The following SLC4A10 variants were observed in gnomAD, a reference collection of about 807,000 sequenced individuals.
SLC4A10 encodes solute carrier family 4 member 10, also known as sodium-driven chloride bicarbonate exchanger.
A neutral mutation model predicts 137.7 loss-of-function variants in SLC4A10; 42 were observed. That is an observed-to-expected ratio of 0.30 (90% CI 0.24 to 0.39). The LOEUF (loss-of-function observed/expected upper bound fraction) is 0.39, where lower values mean the gene tolerates loss of function less well. Among genes scored for constraint, SLC4A10 ranks in the 10% least tolerant of loss-of-function variants. SLC4A10 has a pLI of 1.00. For synonymous variants in SLC4A10, 474 were observed against 464.1 expected, an observed-to-expected ratio of 1.02 and a Z score of -0.27; for missense variants, 925 against 1,355.0, an observed-to-expected ratio of 0.68 and a Z score of 4.98.
At chr2:161,805,098 C>A (rs2055797786) in intron 3 of SLC4A10, among the ~76,000 whole-genome samples, 1 of 152,052 alleles carries the variant, frequency 6.6e-6, no homozygotes, top group Admixed American at 6.6e-5. Context: ...TGGTGGAAGG[C>A]AAGGAGAAGC....
intron 1 of SLC4A10, among the ~76,000 whole-genome samples, chr2:161,717,124 C>G (rs531173394): frequency 6.6e-6 from 1 of 152,012 alleles, no homozygotes; most frequent in African/African-American, 2.4e-5. Context: ...ATAGGAATAC[C>G]TGTGATTTTT....
Position 161,854,957 on chromosome 2 carries a change from T to G in SLC4A10, c.417-13T>G. On this transcript the variant is annotated splice_polypyrimidine_tract_variant and intron_variant, in intron 4 of 26. Transcript: ENST00000446997. ...TATAATATAAACTGTGCTGATAATA[T>G]TTGTTTGTATAGGTGGTTGAAGTTT... 1 of 1,607,654 alleles carries G rather than the reference T, an allele frequency of 6.2e-7. No individual in the cohort carries two copies. Among genetic ancestry groups the G allele is most frequent in the Non-Finnish European group, 8.5e-7 (1 of 1,177,122 alleles).
At chr2:161,780,933 T>C (rs2052938585) in intron 2 of SLC4A10, among the ~76,000 whole-genome samples, 1 of 151,976 alleles carries the variant, frequency 6.6e-6, no homozygotes, top group African/African-American at 2.4e-5. Context: ...TAAATTCTAA[T>C]TTTCTGTCAA....
chr2:161,804,712 C>T, intron 3 of SLC4A10, 117 bp downstream of exon 3: 1 of 966,404 alleles, frequency 1.0e-6, no homozygotes. Context: ...TTATAAAAGA[C>T]TTTGGGCCGG....
At chr2:161,729,189 G>A (rs2125168342) in intron 1 of SLC4A10, among the ~76,000 whole-genome samples, 1 of 152,166 alleles carries the variant, frequency 6.6e-6, no homozygotes, top group East Asian at 1.9e-4. Context: ...CTAAAACCTA[G>A]CAAATGCAAA....
chr2:161,906,058 C>G (rs1684274895), intron 15 of SLC4A10, among the ~76,000 whole-genome samples, 171 bp downstream of exon 15: 1 of 152,192 alleles, frequency 6.6e-6, no homozygotes, highest in Admixed American at 6.5e-5. Context: ...TAATCGGCCA[C>G]TCATCTGCTA....
intron 1 of SLC4A10, among the ~76,000 whole-genome samples, chr2:161,671,950 C>A (rs1053376090): frequency 2.2e-4 from 33 of 152,186 alleles, no homozygotes; most frequent in African/African-American, 7.7e-4. Context: ...GAGGAAAGAA[C>A]TGTTTTATTT....
intron 2 of SLC4A10, among the ~76,000 whole-genome samples, chr2:161,774,992 T>C (rs1319244950): frequency 2.0e-5 from 3 of 151,908 alleles, no homozygotes; most frequent in South Asian, 4.1e-4. Context: ...AGTTAAGAAC[T>C]ATTGTAGTGG....
intron 1 of SLC4A10, among the ~76,000 whole-genome samples, chr2:161,671,475 T>C (rs761714238): frequency 6.6e-6 from 1 of 152,178 alleles, no homozygotes; most frequent in Non-Finnish European, 1.5e-5. Context: ...TTCTTTTATC[T>C]TTCTTGTGTT....
At chr2:161,722,232 C>T (rs886923006) in intron 1 of SLC4A10, among the ~76,000 whole-genome samples, 2 of 152,254 alleles carry the variant, frequency 1.3e-5, no homozygotes, top group East Asian at 1.9e-4. Flanking sequence ...GCTGGAGAGA[C>T]GTTGTGATCA....
chr2:161,708,144 T>C (rs562086041), intron 1 of SLC4A10, among the ~76,000 whole-genome samples: 1 of 151,690 alleles, frequency 6.6e-6, no homozygotes, highest in South Asian at 2.1e-4. Context: ...CTATTTACTA[T>C]TTATACAACT....
chr2:161,954,284 A>AT (rs1024684923), intron 19 of SLC4A10, among the ~76,000 whole-genome samples: 6 of 151,998 alleles, frequency 3.9e-5, no homozygotes, highest in African/African-American at 1.2e-4. Flanking sequence ...TTTGAAATGA[A>AT]TTTTTTCAGC....
intron 10 of SLC4A10, among the ~76,000 whole-genome samples, chr2:161,887,128 CTTT>C (rs1195772690): frequency 6.6e-6 from 1 of 152,072 alleles, no homozygotes; most frequent in Non-Finnish European, 1.5e-5. Flanking sequence ...AACGTGTCCT[CTTT>C]TATGGCTGCA....
chr2:161,679,821 G>C (rs913932336), intron 1 of SLC4A10, among the ~76,000 whole-genome samples: 1 of 151,300 alleles, frequency 6.6e-6, no homozygotes, highest in South Asian at 2.1e-4. Context: ...GCTAGGTCTT[G>C]TTACTTGTAG....
chr2:161,761,345 AATGAAGGCCTGCAAG>A (rs1305229881), intron 1 of SLC4A10, among the ~76,000 whole-genome samples: 1 of 152,060 alleles, frequency 6.6e-6, no homozygotes, highest in Non-Finnish European at 1.5e-5. Context: ...AGGACAAATA[AATGAAGGCCTGCAAG>A]ACAGATGGAG....
intron 1 of SLC4A10, among the ~76,000 whole-genome samples, chr2:161,697,650 GTTCCATTGATCTA>G (rs2042675336): frequency 6.6e-6 from 1 of 152,136 alleles, no homozygotes; most frequent in Admixed American, 6.5e-5. Context: ...GCTCTATTCT[GTTCCATTGATCTA>G]TATCTCTGTT....
intron 2 of SLC4A10, among the ~76,000 whole-genome samples, chr2:161,796,790 A>C (rs1197420143): frequency 6.6e-6 from 1 of 151,988 alleles, no homozygotes; most frequent in Admixed American, 6.6e-5. Flanking sequence ...CTCCTCAGCA[A>C]CTTCTCGGTT....
At chr2:161,691,067 C>T (rs1229907373) in intron 1 of SLC4A10, among the ~76,000 whole-genome samples, 3 of 151,926 alleles carry the variant, frequency 2.0e-5, no homozygotes, top group African/African-American at 7.3e-5. Context: ...CATATAGGTA[C>T]ATACATATCT....
intron 1 of SLC4A10, among the ~76,000 whole-genome samples, chr2:161,737,689 T>G (rs1304250115): frequency 1.3e-5 from 2 of 152,178 alleles, no homozygotes; most frequent in African/African-American, 4.8e-5. Context: ...ATTACTTTAG[T>G]AAGCTTTTTC....
Sources: allele counts gnomAD v4.1 joint callset (sites outside exome capture counted in the v4.1 genomes callset), GRCh38; gene constraint gnomAD v4.1.1; transcripts MANE v1.5; gene names NCBI Gene and HGNC (gene_info 2026-07-23, HGNC 2026-07-21).